Variants in C10orf143 observed in about 807,000 individuals in gnomAD.
C10orf143 encodes uncharacterized protein C10orf143.
downstream of C10orf143, among the ~76,000 whole-genome samples, chr10:130,062,735 A>G (rs552534261): frequency 3.9e-5 from 6 of 152,168 alleles, no homozygotes; most frequent in Admixed American, 2.0e-4. Context: ...CTCCTTAATA[A>G]ACTCCCCTTC....
At chr10:130,098,267 G>C (rs1861493763) in intron 1 of C10orf143, among the ~76,000 whole-genome samples, 1 of 152,122 alleles carries the variant, frequency 6.6e-6, no homozygotes, top group African/African-American at 2.4e-5. Flanking sequence ...AGGTTGCAGT[G>C]AGCTGAGATC....
At chr10:130,048,123 A>G (rs1194842429) in intron 3 of C10orf143, among the ~76,000 whole-genome samples, 3 of 152,212 alleles carry the variant, frequency 2.0e-5, no homozygotes, top group African/African-American at 7.2e-5. Flanking sequence ...CCCAGTAAGC[A>G]GACAGATGGA....
At chr10:130,080,421 C>G (rs943261398) in intron 1 of C10orf143, among the ~76,000 whole-genome samples, 7 of 152,178 alleles carry the variant, frequency 4.6e-5, no homozygotes, top group African/African-American at 1.7e-4. Context: ...GTTTTTACTA[C>G]TATGTGAACT....
At chr10:130,109,750 G>C (rs1861727081) in intron 1 of C10orf143, among the ~76,000 whole-genome samples, 1 of 152,006 alleles carries the variant, frequency 6.6e-6, no homozygotes, top group Non-Finnish European at 1.5e-5. Flanking sequence ...AGGGTAGAAA[G>C]CTAGTCATTC....
downstream of C10orf143, among the ~76,000 whole-genome samples, chr10:130,063,573 C>T (rs1298589155): frequency 6.6e-6 from 1 of 152,168 alleles, no homozygotes; most frequent in African/African-American, 2.4e-5. Flanking sequence ...TCCATCTTTC[C>T]CGTATGGAAC....
chr10:130,069,043 C>G (rs544079556), intron 3 of C10orf143, among the ~76,000 whole-genome samples: 1 of 152,242 alleles, frequency 6.6e-6, no homozygotes, highest in South Asian at 2.1e-4. Flanking sequence ...TCTATATATA[C>G]AAGAAACTCA....
chr10:130,052,097 C>T (rs1860743574), intron 3 of C10orf143, among the ~76,000 whole-genome samples: 1 of 76,104 alleles, frequency 1.3e-5, no homozygotes, highest in Non-Finnish European at 2.7e-5. Context: ...GTCTCATCTC[C>T]CTCTCTCGCC....
At chr10:130,057,560 C>A (rs1860809672) in intron 3 of C10orf143, among the ~76,000 whole-genome samples, 1 of 152,176 alleles carries the variant, frequency 6.6e-6, no homozygotes, top group African/African-American at 2.4e-5. Flanking sequence ...GCATAAAAAT[C>A]ACGAATCCTA....
At chr10:130,057,102 C>T (rs1434335012) in intron 3 of C10orf143, among the ~76,000 whole-genome samples, 32 of 150,056 alleles carry the variant, frequency 2.1e-4, no homozygotes, top group African/African-American at 6.6e-4. Flanking sequence ...GTGTTGCCCA[C>T]GCTGGTCTTG....
At chr10:130,090,626 C>T (rs1194801895) in intron 1 of C10orf143, among the ~76,000 whole-genome samples, 1 of 152,132 alleles carries the variant, frequency 6.6e-6, no homozygotes, top group African/African-American at 2.4e-5. Flanking sequence ...CTCAGTGGAT[C>T]CCACCCCCAA....
At chr10:130,057,276 A>G (rs1564955263) in intron 3 of C10orf143, among the ~76,000 whole-genome samples, 1 of 152,154 alleles carries the variant, frequency 6.6e-6, no homozygotes, top group Non-Finnish European at 1.5e-5. Context: ...GTTCAGCAGC[A>G]TTGTTTCACA....
chr10:130,049,305 T>C (rs915738006), intron 3 of C10orf143, among the ~76,000 whole-genome samples: 42 of 152,330 alleles, frequency 2.8e-4, no homozygotes, highest in African/African-American at 9.4e-4. Context: ...GCTCCCCCTC[T>C]GCCACTGGAG....
At chr10:130,055,952 T>TAAAAAAAAAAAAAAAAAA (rs369284797) in intron 3 of C10orf143, among the ~76,000 whole-genome samples, 102 of 65,812 alleles carry the variant, frequency 1.5e-3, no homozygotes, top group Middle Eastern at 0.021. Flanking sequence ...TCTCCAAAAG[T>TAAAAAAAAAAAAAAAAAA]AAAAAAAAAA....
intron 1 of C10orf143, among the ~76,000 whole-genome samples, chr10:130,108,699 T>C (rs986611315): frequency 1.3e-5 from 2 of 152,214 alleles, no homozygotes; most frequent in African/African-American, 4.8e-5. Context: ...ACAGTGGGAG[T>C]TTTACGTATG....
intron 1 of C10orf143, chr10:130,107,615 C>G (rs530239833): frequency 7.5e-7 from 1 of 1,342,106 alleles, no homozygotes. Flanking sequence ...ATCATTGGGT[C>G]GGCCTTCATC....
chr10:130,084,979 C>A (rs1051126422), intron 1 of C10orf143, among the ~76,000 whole-genome samples: 1 of 152,164 alleles, frequency 6.6e-6, no homozygotes, highest in African/African-American at 2.4e-5. Flanking sequence ...AAATAAAAAA[C>A]AGCACTGGAT....
chr10:130,037,421 C>T (rs1383648781), intron 3 of C10orf143, among the ~76,000 whole-genome samples: 5 of 152,226 alleles, frequency 3.3e-5, no homozygotes, highest in South Asian at 2.1e-4. Context: ...CCAAGCCCAT[C>T]GTTCACAAGC....
chr10:130,044,844 A>G (rs1377647125), intron 3 of C10orf143, among the ~76,000 whole-genome samples: 1 of 152,134 alleles, frequency 6.6e-6, no homozygotes, highest in East Asian at 1.9e-4. Flanking sequence ...TTGTGGGACA[A>G]GAGGTGCAAA....
intron 1 of C10orf143, among the ~76,000 whole-genome samples, chr10:130,110,180 C>T (rs2134829420): frequency 6.6e-6 from 1 of 152,278 alleles, no homozygotes; most frequent in South Asian, 2.1e-4. Flanking sequence ...TCTCATCTTA[C>T]CCTCTGCTCA....
Sources: gnomAD v4.1 joint callset for allele counts (sites outside exome capture counted in the v4.1 genomes callset) on GRCh38, gnomAD v4.1.1 for gene constraint, MANE v1.5 for transcripts, NCBI Gene and HGNC (gene_info 2026-07-23, HGNC 2026-07-21) for gene names.